The following FUT8 variants were observed in gnomAD, a reference collection of about 807,000 sequenced individuals.
FUT8 encodes the protein fucosyltransferase 8.
Under a neutral mutation model 71.3 loss-of-function variants are expected in FUT8, and 29 were observed. The observed-to-expected ratio is 0.41, with a 90% CI of 0.30 to 0.55. The LOEUF (loss-of-function observed/expected upper bound fraction) is 0.55, where lower values mean the gene tolerates loss of function less well. FUT8 is among the 20% of genes least tolerant of loss of function. The pLI is 0.34. For synonymous variants in FUT8, 254 were observed against 239.3 expected (o/e 1.06, Z -0.57); for missense variants, 544 against 702.1 (o/e 0.77, Z 2.55).
chr14:65,585,386 C>G (rs1190246934), intron 3 of FUT8, among the ~76,000 whole-genome samples: 1 of 152,060 alleles, frequency 6.6e-6, no homozygotes. Flanking sequence ...AGGATCTTGC[C>G]ATGTTGCTCA....
the FUT8 span, among the ~76,000 whole-genome samples, chr14:65,361,711 C>T: frequency 6.6e-6 from 1 of 151,896 alleles, no homozygotes; most frequent in Admixed American, 6.6e-5. Context: ...TTGCTTGAAC[C>T]CGGAGGTGGA....
At chr14:65,484,713 G>T (rs368173621) in intron 2 of FUT8, among the ~76,000 whole-genome samples, 4 of 152,186 alleles carry the variant, frequency 2.6e-5, no homozygotes, top group African/African-American at 9.6e-5. Flanking sequence ...GGATTACATT[G>T]CTTGATTTTT....
intron 3 of FUT8, among the ~76,000 whole-genome samples, chr14:65,582,565 T>A (rs1489324001): frequency 6.6e-6 from 1 of 152,228 alleles, no homozygotes; most frequent in Non-Finnish European, 1.5e-5. Context: ...AACCTAAGCG[T>A]GTCTTCTTCT....
At chr14:65,490,739 G>A (rs1180449437) in intron 2 of FUT8, among the ~76,000 whole-genome samples, 1 of 152,006 alleles carries the variant, frequency 6.6e-6, no homozygotes. Flanking sequence ...GCATTCTAAG[G>A]TCTGGTTTTT....
chr14:65,476,637 ATTTTTTTTTT>A lies in FUT8; in HGVS notation c.-228+20944_-228+20953del, dbSNP rs200882761. ...TCAAGTGGTAGAGTTAAAGAAGTAG[ATTTTTTTTTT>A]TTTTTTTTTTTTTTTTTTTTTTTTG... is the stretch of plus-strand genomic sequence containing the variant. On this transcript the variant is annotated intron_variant, in intron 2 of 10. Coordinates refer to ENST00000673929, the MANE Select transcript of FUT8 (RefSeq NM_001371533.1). Among the ~76,000 whole-genome samples, 493 of 125,030 alleles carry A rather than the reference ATTTTTTTTTT, an allele frequency of 3.9e-3. 11 individuals carry two copies. In the East Asian group the frequency reaches 0.056, roughly 14 times the overall value. 82.0% of individuals were successfully genotyped at this position (125,030 alleles called of 152,430 possible).
rs1891902562 is a variant in FUT8 at position 65,660,422 on chromosome 14, T to G, written c.598-8821T>G. Among the ~76,000 whole-genome samples, 1 of 152,220 alleles carries G rather than the reference T, an allele frequency of 6.6e-6. No individual in the cohort carries two copies. The highest frequency in any genetic ancestry group is 6.5e-5 in the Admixed American group (1 of 15,272). ...TAAAGTAAGCTAAATGTGGCTTTAC[T>G]TACCAAGATAAGCTTTCCTCTTCTA... is the stretch of plus-strand genomic sequence containing the variant. On this transcript the variant is annotated intron_variant, in intron 6 of 10. Coordinates refer to ENST00000673929, the MANE Select transcript of FUT8 (RefSeq NM_001371533.1). The surrounding 1 kb of genome is among the most constrained non-coding windows in gnomAD (Gnocchi z 4.1).
the FUT8 span, among the ~76,000 whole-genome samples, chr14:65,383,265 C>CTTTTTTTTCTTTT: frequency 3.8e-4 from 33 of 86,514 alleles, no homozygotes; most frequent in South Asian, 2.3e-3. Context: ...TTTTTCTTTT[C>CTTTTTTTTCTTTT]TTTTTTTTTT....
intron 2 of FUT8, among the ~76,000 whole-genome samples, chr14:65,546,710 G>A (rs937520844): frequency 6.6e-6 from 1 of 151,682 alleles, no homozygotes; most frequent in African/African-American, 2.4e-5. Context: ...TGAGGTATAC[G>A]GTAAGTATAT....
chr14:65,443,898 A>G (rs1416060016), intron 1 of FUT8, among the ~76,000 whole-genome samples: 1 of 152,198 alleles, frequency 6.6e-6, no homozygotes, highest in African/African-American at 2.4e-5. Context: ...GTTATTTTGT[A>G]GAAATGGCTT....
intron 2 of FUT8, among the ~76,000 whole-genome samples, chr14:65,528,117 CT>C (rs911621043): frequency 1.4e-4 from 22 of 152,228 alleles, no homozygotes; most frequent in Non-Finnish European, 2.9e-5. Flanking sequence ...TTTCTGCTGC[CT>C]TTTGTTCGGC....
At chr14:65,495,269 T>C (rs2139741630) in intron 2 of FUT8, among the ~76,000 whole-genome samples, 1 of 151,572 alleles carries the variant, frequency 6.6e-6, no homozygotes, top group South Asian at 2.1e-4. Context: ...TTAAAAAAAG[T>C]CATGTATTCT....
rs2300863 is a variant in FUT8, at chr14:65,652,800, A to G, written c.598-16443A>G. On this transcript the variant is annotated intron_variant, in intron 6 of 10. Transcript: ENST00000673929. This position sits in a 1 kb window ranked among gnomAD's most constrained non-coding sequence, Gnocchi z 4.0. ...TACCTATACTCCAGCTGTCCCTGTT[A>G]ACAGGACCTCATGTGGAATACTTGA... is the stretch of plus-strand genomic sequence containing the variant. 0.023 allele frequency among the ~76,000 whole-genome samples: 3,555 copies of G among 152,304 alleles called. 113 individuals are homozygous for G. The highest frequency in any genetic ancestry group is 0.094 in the East Asian group (485 of 5,184).
At chr14:65,384,812 T>A in the FUT8 span, among the ~76,000 whole-genome samples, 3 of 152,178 alleles carry the variant, frequency 2.0e-5, no homozygotes, top group African/African-American at 7.2e-5. The surrounding 1 kb of genome is among the most constrained non-coding windows in gnomAD (Gnocchi z 4.2). Context: ...TTTCTAATTT[T>A]CATATGAGTT....
chr14:65,440,795 T>A (rs946084031), intron 1 of FUT8, among the ~76,000 whole-genome samples: 2 of 152,176 alleles, frequency 1.3e-5, no homozygotes, highest in Admixed American at 6.5e-5. Flanking sequence ...AGAATTTTAT[T>A]TGGGTCCATG....
chr14:65,361,616 T>A, the FUT8 span, among the ~76,000 whole-genome samples: 2 of 149,974 alleles, frequency 1.3e-5, no homozygotes, highest in Non-Finnish European at 1.5e-5. Flanking sequence ...GGCGAAACCC[T>A]GTCTCTACTA....
chr14:65,383,260 C>CT, the FUT8 span, among the ~76,000 whole-genome samples: 4 of 95,818 alleles, frequency 4.2e-5, no homozygotes, highest in East Asian at 3.5e-4. Context: ...TTTTCTTTTT[C>CT]TTTTCTTTTT....
Position 65,467,482 on chromosome 14 carries a change from CTTTTT to C in FUT8, c.-228+11766_-228+11770del, listed in dbSNP as rs2066061937. 6.6e-6 allele frequency among the ~76,000 whole-genome samples: 1 copy of C among 150,594 alleles called. No homozygotes were observed. The highest frequency in any genetic ancestry group is 1.5e-5 in the Non-Finnish European group (1 of 67,604). ...CTGGCTAATTTTTTGTATTTCTTTT[CTTTTT>C]TATTTTTGAGACAGAGTCTCACACT... On this transcript the variant is annotated intron_variant, in intron 2 of 10. Coordinates refer to ENST00000673929, the MANE Select transcript of FUT8 (RefSeq NM_001371533.1). This position sits in a 1 kb window ranked among gnomAD's most constrained non-coding sequence, Gnocchi z 4.1.
At chr14:65,633,965 A>C (rs1890389501) in intron 6 of FUT8, among the ~76,000 whole-genome samples, 1 of 144,544 alleles carries the variant, frequency 6.9e-6, no homozygotes, top group Admixed American at 6.9e-5. Flanking sequence ...CTGCCCGGCT[A>C]GCCGCCCCAT....
chr14:65,507,125 C>A (rs2066748471), intron 2 of FUT8, among the ~76,000 whole-genome samples: 1 of 152,212 alleles, frequency 6.6e-6, no homozygotes, highest in African/African-American at 2.4e-5. Context: ...AGCCCTTAAT[C>A]ACCCATGGCA....
Sources: allele counts gnomAD v4.1 joint callset (sites outside exome capture counted in the v4.1 genomes callset), GRCh38; gene constraint gnomAD v4.1.1; non-coding constraint Gnocchi (gnomAD v3.1); transcripts MANE v1.5; gene names NCBI Gene and HGNC (gene_info 2026-07-23, HGNC 2026-07-21).